The following ADCK1 variants were observed in gnomAD, a reference collection of about 807,000 sequenced individuals.
ADCK1 encodes aarF domain-containing protein kinase 1.
Under a neutral mutation model 52.3 loss-of-function variants are expected in ADCK1, and 41 were observed. The observed-to-expected ratio is 0.78, with a 90% CI of 0.61 to 1.02. ADCK1 has a LOEUF of 1.02. Ranked by LOEUF, ADCK1 falls within the 50% of genes least tolerant of loss-of-function variation. ADCK1 has a pLI of 0.00. For missense variants in ADCK1, 658 were observed against 679.5 expected (o/e 0.97, Z 0.35); for synonymous variants, 250 against 274.6 (o/e 0.91, Z 0.89).
intron 4 of ADCK1, among the ~76,000 whole-genome samples, chr14:77,881,805 T>C (rs2083031289): frequency 1.3e-5 from 2 of 152,350 alleles, no homozygotes; most frequent in South Asian, 4.1e-4. Context: ...TGTGAACATA[T>C]TTTAAAGCTA....
At chr14:77,802,199 T>A (rs1394424570) in intron 1 of ADCK1, among the ~76,000 whole-genome samples, 1 of 152,092 alleles carries the variant, frequency 6.6e-6, no homozygotes, top group East Asian at 1.9e-4. Context: ...TATCCATAGA[T>A]TGAAGCTCTA....
At chr14:77,879,902 G>C (rs1269322964) in intron 4 of ADCK1, among the ~76,000 whole-genome samples, 4 of 150,994 alleles carry the variant, frequency 2.6e-5, no homozygotes, top group African/African-American at 9.7e-5. Flanking sequence ...TTATTGGGGG[G>C]CTACTATAGG....
At chr14:77,882,052 G>A (rs2083037124) in intron 4 of ADCK1, among the ~76,000 whole-genome samples, 1 of 152,294 alleles carries the variant, frequency 6.6e-6, no homozygotes, top group African/African-American at 2.4e-5. Flanking sequence ...CAGAGGTGTT[G>A]GAGAGGTGGT....
At chr14:77,891,778 C>T (rs896342420) in intron 5 of ADCK1, among the ~76,000 whole-genome samples, 2 of 152,166 alleles carry the variant, frequency 1.3e-5, no homozygotes, top group African/African-American at 4.8e-5. Context: ...CACTGGGTAA[C>T]ACTGCCATCT....
At chr14:77,823,560 C>CTTTA (rs66494884) in intron 3 of ADCK1, among the ~76,000 whole-genome samples, 2,587 of 137,108 alleles carry the variant, frequency 0.019, 41 homozygotes, top group African/African-American at 0.041. Flanking sequence ...TCTTTCCCCC[C>CTTTA]TTTATTTATT....
At chr14:77,825,171 A>G (rs1216952657) in intron 3 of ADCK1, among the ~76,000 whole-genome samples, 1 of 152,062 alleles carries the variant, frequency 6.6e-6, no homozygotes, top group Non-Finnish European at 1.5e-5. Context: ...TTCTTTTTAG[A>G]CTATCTGTTC....
At position 77,931,585 on chromosome 14, in the gene ADCK1, C is replaced by T. The variant is rs149882720; in HGVS notation, c.1274C>T (p.Pro425Leu). 2.0e-5 allele frequency: 33 copies of T among 1,614,012 alleles called. 1 individual carries two copies. In the African/African-American group the frequency reaches 2.1e-4, roughly 10 times the overall value. ...ATCAGCCATCTCCTCAACCACGTGC[C>T]GCGCCAGATGCTGCTCATCTTGAAG... The part of the protein sequence containing the change: ...PQISHLLNHV[P>L]RQMLLILKTN... Residue 425 changes from proline to leucine, a missense_variant, in exon 10 of 11, where the codon CCG becomes CTG. Transcript: ENST00000238561.
chr14:77,828,848 T>C (rs961534699), intron 3 of ADCK1, among the ~76,000 whole-genome samples: 11 of 141,940 alleles, frequency 7.7e-5, no homozygotes, highest in Non-Finnish European at 1.6e-4. Flanking sequence ...TTTATCACTA[T>C]GAACTCATGG....
At chr14:77,913,179 A>C (rs2083834451) in intron 7 of ADCK1, among the ~76,000 whole-genome samples, 1 of 152,208 alleles carries the variant, frequency 6.6e-6, no homozygotes, top group African/African-American at 2.4e-5. Flanking sequence ...CCGGGGTGGA[A>C]AGGATTGTAG....
At chr14:77,817,198 C>T (rs796149174) in intron 1 of ADCK1, among the ~76,000 whole-genome samples, 3 of 152,280 alleles carry the variant, frequency 2.0e-5, no homozygotes, top group East Asian at 1.9e-4. Flanking sequence ...GCCGAGATCG[C>T]GGCACTGCAC....
intron 4 of ADCK1, among the ~76,000 whole-genome samples, chr14:77,886,231 G>A (rs140884447): frequency 1.1e-3 from 163 of 152,346 alleles, no homozygotes; most frequent in African/African-American, 3.8e-3. Flanking sequence ...GCAGTTGTTG[G>A]TCTGGAGCCT....
At chr14:77,926,968 C>T (rs922951574) in intron 9 of ADCK1, among the ~76,000 whole-genome samples, 4 of 152,178 alleles carry the variant, frequency 2.6e-5, no homozygotes, top group African/African-American at 7.2e-5. Flanking sequence ...CCTGAATCCA[C>T]GTGGGGGATG....
chr14:77,870,654 C>A (rs1260370282), intron 4 of ADCK1, among the ~76,000 whole-genome samples: 1 of 152,202 alleles, frequency 6.6e-6, no homozygotes, highest in African/African-American at 2.4e-5. Context: ...CCTCAACATC[C>A]CCCTGGAGCT....
Position 77,859,096 on chromosome 14 carries a change from G to C in ADCK1, c.240G>C (p.Arg80Ser), listed in dbSNP as rs780948276. The change falls in exon 4 of 11, where the codon AGG (arginine) becomes AGC (serine). Residue 80 changes from arginine (R) to serine (S), a missense_variant. By Grantham distance (110) the Arg-to-Ser change is moderately radical. Coordinates refer to ENST00000238561, the MANE Select transcript of ADCK1 (RefSeq NM_020421.4). Reference protein sequence around the residue: ...LRSKVHLRSARRLCELCCANR... With the variant: ...LRSKVHLRSASRLCELCCANR... ...TGCAGGTGCACCTTCGCTCTGCCAG[G>C]CGTCTCTGTGAGCTCTGCTGTGCCA... 2.5e-6 allele frequency: 4 copies of C among 1,607,690 alleles called. No homozygotes were observed. Among genetic ancestry groups the C allele is most frequent in the Non-Finnish European group, 3.4e-6 (4 of 1,177,230 alleles).
chr14:77,808,066 A>G lies in ADCK1; in HGVS notation c.-12+7896A>G, dbSNP rs76717089. 1.3e-3 allele frequency among the ~76,000 whole-genome samples: 191 copies of G among 152,336 alleles called. 3 individuals are homozygous for G. The East Asian group carries it at 0.03, about 24-fold the overall frequency. Reference sequence around the variant, plus strand: ...CGAAATAACAGAAGCCTTTCCTGACAGATCCACTGGAGAAAAGGGTGCCCA... The same window carrying G: ...CGAAATAACAGAAGCCTTTCCTGACGGATCCACTGGAGAAAAGGGTGCCCA... On this transcript the variant is annotated intron_variant, in intron 1 of 10. Coordinates refer to ENST00000238561, the MANE Select transcript of ADCK1 (RefSeq NM_020421.4).
chr14:77,823,882 A>AT (rs1046766460), intron 3 of ADCK1, among the ~76,000 whole-genome samples: 3 of 151,420 alleles, frequency 2.0e-5, no homozygotes, highest in South Asian at 2.1e-4. Context: ...TGTTTCATTT[A>AT]TTTTTTTATT....
Position 77,861,868 on chromosome 14 carries a change from C to T in ADCK1, c.423+2589C>T, listed in dbSNP as rs138061131. On this transcript the variant is annotated intron_variant, in intron 4 of 10. Coordinates refer to ENST00000238561, the MANE Select transcript of ADCK1 (RefSeq NM_020421.4). ...GAGGGTGCAGTACTTCTGGACCCCA[C>T]GGTTCATATGCATTTCTGGATCAGC... Among the ~76,000 whole-genome samples, 564 of 152,318 alleles carry T rather than the reference C, an allele frequency of 3.7e-3. 5 individuals carry two copies. Among genetic ancestry groups the T allele is most frequent in the African/African-American group, 0.012 (519 of 41,572 alleles).
At chr14:77,870,304 C>G (rs749705236) in intron 4 of ADCK1, among the ~76,000 whole-genome samples, 1 of 152,228 alleles carries the variant, frequency 6.6e-6, no homozygotes, top group African/African-American at 2.4e-5. Flanking sequence ...TCCCGCTATG[C>G]AGCTCCTAGC....
chr14:77,891,166 A>G (rs1032400650), intron 5 of ADCK1, among the ~76,000 whole-genome samples: 7 of 152,138 alleles, frequency 4.6e-5, no homozygotes, highest in African/African-American at 1.7e-4. Context: ...ATGAGGGGGT[A>G]GAAGGTAGCA....
Sources: gnomAD v4.1 joint callset for allele counts (sites outside exome capture counted in the v4.1 genomes callset) on GRCh38, gnomAD v4.1.1 for gene constraint, MANE v1.5 for transcripts, NCBI Gene and HGNC (gene_info 2026-07-23, HGNC 2026-07-21) for gene names.